The following ZNF568 variants were observed in gnomAD, a reference collection of about 807,000 sequenced individuals.
ZNF568 encodes the protein zinc finger protein 568.
A neutral mutation model predicts 18.1 loss-of-function variants in ZNF568; 11 were observed. The ratio of observed to expected loss-of-function variants is 0.61; its 90% CI spans 0.38 to 1.00. ZNF568 has a LOEUF of 1.00. Among genes scored for constraint, ZNF568 ranks in the 50% least tolerant of loss-of-function variants. The pLI, the probability that ZNF568 is intolerant of heterozygous loss-of-function variation, is 0.01. For synonymous variants in ZNF568, 213 were observed against 246.6 expected (o/e 0.86, Z 1.28); for missense variants, 639 against 768.2 (o/e 0.83, Z 1.99).
At chr19:36,927,886 A>T (rs893226092) in intron 4 of ZNF568, among the ~76,000 whole-genome samples, 100 of 48,138 alleles carry the variant, frequency 2.1e-3, no homozygotes, top group African/African-American at 3.0e-3. Context: ...ATATATATAT[A>T]TTATATATAT....
intron 4 of ZNF568, 83 bp downstream of exon 4, chr19:36,925,341 AAAAAATAAATTGAT>A: frequency 8.1e-7 from 1 of 1,228,258 alleles, no homozygotes; most frequent in Non-Finnish European, 1.2e-6. Flanking sequence ...AATGTGTTGG[AAAAAATAAATTGAT>A]GAAAATAAAA....
chr19:36,971,045 C>T (rs1185952652), intron 6 of ZNF568, among the ~76,000 whole-genome samples: 1 of 151,958 alleles, frequency 6.6e-6, no homozygotes, highest in Non-Finnish European at 1.5e-5. Flanking sequence ...GAGTTTGAAA[C>T]CAGCCTGGCC....
intron 6 of ZNF568, among the ~76,000 whole-genome samples, chr19:36,963,953 G>A (rs1176052746): frequency 7.8e-6 from 1 of 127,682 alleles, no homozygotes; most frequent in East Asian, 2.7e-4. Context: ...GCAACAAAGC[G>A]AGACTCAGTC....
chr19:36,978,888 A>G (rs1224315945), intron 7 of ZNF568: 1 of 270,490 alleles, frequency 3.7e-6, no homozygotes, highest in Admixed American at 5.2e-5. Context: ...CCTAGTCAAG[A>G]ACAGCATCTA....
chr19:36,917,083 T>G (rs1405371105), intron 1 of ZNF568, among the ~76,000 whole-genome samples: 2 of 152,204 alleles, frequency 1.3e-5, no homozygotes, highest in Non-Finnish European at 2.9e-5. Flanking sequence ...AAACCACCCC[T>G]GAACTCAATG....
At chr19:36,996,594 T>A in exon 5 of ZNF568, 1 of 1,535,930 alleles carries the variant, frequency 6.5e-7, no homozygotes, top group Non-Finnish European at 8.7e-7. Flanking sequence ...CATGTCCTAT[T>A]CAACATGAAA....
downstream of ZNF568, chr19:36,997,775 GA>G (rs3833257): frequency 5.3e-6 from 3 of 565,972 alleles, no homozygotes; most frequent in Non-Finnish European, 9.4e-6. Context: ...TACTGATTTG[GA>G]AAAAAAAACT....
At chr19:36,939,937 A>C (rs147225507) in intron 6 of ZNF568, among the ~76,000 whole-genome samples, 1 of 152,160 alleles carries the variant, frequency 6.6e-6, no homozygotes, top group Non-Finnish European at 1.5e-5. Flanking sequence ...GAAGTCCTCT[A>C]TGCTGTATTT....
chr19:36,961,606 A>C (rs1245080658), intron 6 of ZNF568, among the ~76,000 whole-genome samples: 3 of 151,888 alleles, frequency 2.0e-5, no homozygotes, highest in Non-Finnish European at 4.4e-5. Flanking sequence ...GGCTCACTGC[A>C]ACCTCTGCCT....
intron 2 of ZNF568, among the ~76,000 whole-genome samples, chr19:36,989,025 C>T (rs1600858565): frequency 6.6e-6 from 1 of 152,334 alleles, no homozygotes; most frequent in East Asian, 1.9e-4. Context: ...CTGGTAACTA[C>T]TGTTCTGCTC....
At chr19:36,996,931 C>G (rs1046813444) in exon 5 of ZNF568, 2 of 1,536,794 alleles carry the variant, frequency 1.3e-6, no homozygotes, top group Non-Finnish European at 1.7e-6. Context: ...TAATCTACAT[C>G]AGAGGATCCA....
chr19:36,927,858 GTGT>G (rs2073586625), intron 4 of ZNF568, among the ~76,000 whole-genome samples: 1 of 30,720 alleles, frequency 3.3e-5, no homozygotes, highest in Non-Finnish European at 5.6e-5. Flanking sequence ...GTGTGTGTGT[GTGT>G]ATATATATAT....
At chr19:36,944,172 G>A (rs1474526430) in intron 6 of ZNF568, among the ~76,000 whole-genome samples, 1 of 151,998 alleles carries the variant, frequency 6.6e-6, no homozygotes, top group Non-Finnish European at 1.5e-5. Context: ...GTTGAAGCAG[G>A]CGAATCACCT....
intron 2 of ZNF568, among the ~76,000 whole-genome samples, chr19:36,921,986 G>A (rs1027665280): frequency 1.2e-4 from 19 of 152,158 alleles, no homozygotes; most frequent in Non-Finnish European, 2.4e-4. Flanking sequence ...CTTGGTTTAT[G>A]CCTCTGGTCA....
chr19:36,984,185 C>T (rs2074356191), downstream of ZNF568, among the ~76,000 whole-genome samples: 2 of 152,122 alleles, frequency 1.3e-5, no homozygotes, highest in African/African-American at 4.8e-5. Context: ...AGGCATGAGC[C>T]ACCGCACCTG....
chr19:36,930,960 T>A (rs1017788823), intron 4 of ZNF568, among the ~76,000 whole-genome samples: 4 of 152,196 alleles, frequency 2.6e-5, no homozygotes, highest in African/African-American at 9.7e-5. Context: ...AATGTGTCAG[T>A]CACATGTCTG....
chr19:36,973,638 T>C (rs1697132353), intron 6 of ZNF568: 1 of 152,912 alleles, frequency 6.5e-6, no homozygotes, highest in Admixed American at 6.6e-5. Flanking sequence ...GTCCGGGCAG[T>C]TCTCCCCGGA....
chr19:36,947,891 C>T (rs1394974996), intron 6 of ZNF568, among the ~76,000 whole-genome samples: 1 of 152,192 alleles, frequency 6.6e-6, no homozygotes, highest in African/African-American at 2.4e-5. Flanking sequence ...ATACCCACTG[C>T]CCAGGCACAC....
In ZNF568 at chr19:36,950,919, A is replaced by G. The variant is rs755063449; in HGVS notation, c.1766A>G (p.Asn589Ser). ...SHTGEKPYEC[N>S]KCGKAFSQCS... is the part of the protein sequence containing the mutation. ...ACAGGGGAGAAACCCTATGAATGTA[A>G]TAAATGTGGGAAAGCCTTTTCTCAG... The change falls in exon 7 of 7, where the codon AAT becomes AGT. Residue 589 changes from asparagine to serine, a missense_variant. Transcript: ENST00000333987. 1.2e-6 allele frequency: 2 copies of G among 1,613,584 alleles called. No individual in the cohort carries two copies. Among genetic ancestry groups the G allele is most frequent in the Non-Finnish European group, 1.7e-6 (2 of 1,179,830 alleles).
Sources: gnomAD v4.1 joint callset for allele counts (sites outside exome capture counted in the v4.1 genomes callset) on GRCh38, gnomAD v4.1.1 for gene constraint, MANE v1.5 for transcripts, NCBI Gene and HGNC (gene_info 2026-07-23, HGNC 2026-07-21) for gene names.